Variants in KCTD16 observed in about 807,000 individuals in gnomAD.
The protein encoded by KCTD16 is BTB/POZ domain-containing protein KCTD16.
In KCTD16, 13 loss-of-function variants were observed where a neutral mutation model predicts 33.2. That is an observed-to-expected ratio of 0.39 (90% CI 0.25 to 0.62). The LOEUF (loss-of-function observed/expected upper bound fraction) is 0.62. KCTD16 is among the 20% of genes least tolerant of loss of function. KCTD16 has a pLI of 0.50. For missense variants in KCTD16, 441 were observed against 525.1 expected, an observed-to-expected ratio of 0.84 and a Z score of 1.57; for synonymous variants, 197 against 195.3, an observed-to-expected ratio of 1.01 and a Z score of -0.07.
intron 3 of KCTD16, among the ~76,000 whole-genome samples, chr5:144,312,446 T>C (rs1330998168): frequency 6.6e-6 from 1 of 152,196 alleles, no homozygotes; most frequent in East Asian, 1.9e-4. Flanking sequence ...CCCTCCTATA[T>C]AGAAATTCTG....
chr5:144,226,406 A>G (rs1021109259), intron 3 of KCTD16, among the ~76,000 whole-genome samples: 2 of 152,184 alleles, frequency 1.3e-5, no homozygotes, highest in Admixed American at 6.5e-5. Flanking sequence ...TTATCCATAG[A>G]CTACAGAGTT....
Position 144,388,065 on chromosome 5 carries a change from G to GTTTTTTTTTTTTTTTTTTTTT in KCTD16, c.833-85585_833-85565dup, listed in dbSNP as rs397999492. Among the ~76,000 whole-genome samples the GTTTTTTTTTTTTTTTTTTTTT allele has an allele frequency of 2.7e-4, 20 of 73,662 alleles. 6 individuals carry two copies. The highest frequency in any genetic ancestry group is 1.1e-3 in the African/African-American group (18 of 16,102). The allele number at this position is 73,662 out of a possible 152,430, so 48.3% of individuals were successfully genotyped here. A position where few individuals can be genotyped will look rare whatever the true frequency, so the allele number is the denominator to read the frequency against. On this transcript the variant is annotated intron_variant, in intron 3 of 3. Coordinates refer to ENST00000512467, the MANE Select transcript of KCTD16 (RefSeq NM_020768.4). Reference sequence around the variant, plus strand: ...AATCCAGAGTTCAATTTTAGAGCAAGTTTTTTTTTTTTTTTTTTTTTTTTT... The same window carrying GTTTTTTTTTTTTTTTTTTTTT: ...AATCCAGAGTTCAATTTTAGAGCAAGTTTTTTTTTTTTTTTTTTTTTTTTTTTTTTTTTTTTTTTTTTTTTT...
chr5:144,403,130 G>A (rs1256945202), intron 3 of KCTD16, among the ~76,000 whole-genome samples: 1 of 152,116 alleles, frequency 6.6e-6, no homozygotes, highest in East Asian at 1.9e-4. Flanking sequence ...GGCACACCTG[G>A]ATAATCCAGG....
chr5:144,189,517 A>T (rs958985146), intron 2 of KCTD16, among the ~76,000 whole-genome samples: 1 of 151,942 alleles, frequency 6.6e-6, no homozygotes, highest in African/African-American at 2.4e-5. Context: ...AAAAGAAAAA[A>T]GAAAAAGAAA....
At chr5:144,180,289 C>G (rs1323988020) in intron 2 of KCTD16, among the ~76,000 whole-genome samples, 2 of 152,156 alleles carry the variant, frequency 1.3e-5, no homozygotes, top group Non-Finnish European at 2.9e-5. Context: ...ACTTTGAGAA[C>G]TTTTTATTTT....
At chr5:144,439,152 G>A (rs1753644271) in intron 3 of KCTD16, 1 of 167,488 alleles carries the variant, frequency 6.0e-6, no homozygotes, top group Non-Finnish European at 1.3e-5. Flanking sequence ...GGTGCTGCTG[G>A]GAGTTGCTTG....
At position 144,363,118 on chromosome 5, in the gene KCTD16, G is replaced by C. The variant is rs186323019; in HGVS notation, c.833-110542G>C. 5.3e-5 allele frequency among the ~76,000 whole-genome samples: 8 copies of C among 152,234 alleles called. No homozygotes were observed. In the East Asian group the frequency reaches 1.6e-3, roughly 30 times the overall value. On this transcript the variant is annotated intron_variant, in intron 3 of 3. Coordinates refer to ENST00000512467, the MANE Select transcript of KCTD16 (RefSeq NM_020768.4). ...TGTAATCCCAGCACTTCAGGAGGCA[G>C]ATCACTTGAGGTCAGGAGTTCGAGA...
At chr5:144,235,959 GAT>G (rs1754240019) in intron 3 of KCTD16, among the ~76,000 whole-genome samples, 1 of 152,056 alleles carries the variant, frequency 6.6e-6, no homozygotes, top group Non-Finnish European at 1.5e-5. Flanking sequence ...TACTGACTAT[GAT>G]AGTGTTTATA....
chr5:144,439,408 T>C (rs1368772927), intron 3 of KCTD16: 48 of 448,022 alleles, frequency 1.1e-4, no homozygotes, highest in Non-Finnish European at 1.7e-5. Flanking sequence ...GTCCATTATA[T>C]GAACCATGAA....
intron 2 of KCTD16, among the ~76,000 whole-genome samples, chr5:144,181,119 G>T (rs1387573103): frequency 6.6e-6 from 1 of 151,766 alleles, no homozygotes; most frequent in Non-Finnish European, 1.5e-5. Context: ...TTTTTTAGTA[G>T]AGGCGGGGTT....
In KCTD16 at chr5:144,291,255, A is replaced by T. The variant is rs531576324; in HGVS notation, c.832+83709A>T. 3.3e-5 allele frequency among the ~76,000 whole-genome samples: 5 copies of T among 152,040 alleles called. No homozygotes were observed. In the East Asian group the frequency reaches 9.7e-4, roughly 29 times the overall value. ...TGGTTGACACCAAGACATCACATTCACCTCCTGCTGCTTTCTTAAAGCACT... is the reference window on the plus strand; with the variant it reads ...TGGTTGACACCAAGACATCACATTCTCCTCCTGCTGCTTTCTTAAAGCACT... On this transcript the variant is annotated intron_variant, in intron 3 of 3. Coordinates refer to ENST00000512467, the MANE Select transcript of KCTD16 (RefSeq NM_020768.4).
At chr5:144,201,071 A>G (rs550382523) in intron 2 of KCTD16, among the ~76,000 whole-genome samples, 12 of 152,154 alleles carry the variant, frequency 7.9e-5, no homozygotes, top group Admixed American at 5.2e-4. Context: ...TTTTTCCCCC[A>G]TTGGTAGGAT....
intron 3 of KCTD16, among the ~76,000 whole-genome samples, chr5:144,303,398 GA>G (rs1202845541): frequency 1.3e-5 from 2 of 152,120 alleles, no homozygotes; most frequent in African/African-American, 4.8e-5. Flanking sequence ...ATTTGTTAAA[GA>G]TCAAGTACAG....
chr5:144,275,552 CACA>C (rs1247862991), intron 3 of KCTD16, among the ~76,000 whole-genome samples: 1 of 152,210 alleles, frequency 6.6e-6, no homozygotes, highest in African/African-American at 2.4e-5. Context: ...ATGGCAACAA[CACA>C]AGTGAACGCT....
intron 3 of KCTD16, among the ~76,000 whole-genome samples, chr5:144,339,369 T>C (rs1580884269): frequency 1.3e-5 from 2 of 152,220 alleles, no homozygotes; most frequent in African/African-American, 4.8e-5. Context: ...TTTGTACAAC[T>C]ATTATTCGAT....
intron 3 of KCTD16, among the ~76,000 whole-genome samples, chr5:144,383,773 A>G (rs1752266464): frequency 1.3e-5 from 2 of 152,154 alleles, no homozygotes; most frequent in Non-Finnish European, 2.9e-5. Flanking sequence ...TATCATGACC[A>G]GCCATAGGCT....
intron 3 of KCTD16, among the ~76,000 whole-genome samples, chr5:144,362,933 A>G (rs1751748487): frequency 6.6e-6 from 1 of 152,222 alleles, no homozygotes; most frequent in South Asian, 2.1e-4. Flanking sequence ...TGATTGGCAC[A>G]TAATAACAGC....
intron 3 of KCTD16, among the ~76,000 whole-genome samples, chr5:144,466,246 T>C (rs2126996756): frequency 6.6e-6 from 1 of 151,192 alleles, no homozygotes; most frequent in East Asian, 1.9e-4. Flanking sequence ...AGGGTTTTTT[T>C]TTTTTTTTTC....
intron 3 of KCTD16, among the ~76,000 whole-genome samples, chr5:144,224,795 T>A (rs948193229): frequency 2.0e-5 from 3 of 152,314 alleles, no homozygotes; most frequent in South Asian, 2.1e-4. Context: ...ATCATAGCTA[T>A]CCTTACTGAA....
Sources: allele counts gnomAD v4.1 joint callset (sites outside exome capture counted in the v4.1 genomes callset), GRCh38; gene constraint gnomAD v4.1.1; transcripts MANE v1.5; gene names NCBI Gene and HGNC (gene_info 2026-07-23, HGNC 2026-07-21).